The following KPNA3 variants were observed in gnomAD, a reference collection of about 807,000 sequenced individuals.
KPNA3 encodes importin subunit alpha-4.
A neutral mutation model predicts 73.8 loss-of-function variants in KPNA3; 13 were observed. The observed-to-expected ratio is 0.18, with a 90% CI of 0.11 to 0.28. The LOEUF (loss-of-function observed/expected upper bound fraction) is 0.28, where lower values mean the gene tolerates loss of function less well. Among genes scored for constraint, KPNA3 ranks in the 10% least tolerant of loss-of-function variants. The probability of loss-of-function intolerance (pLI) is 1.00; values close to 1 mark genes in which losing one functional copy is unlikely to be tolerated. For synonymous variants in KPNA3, 186 were observed against 206.9 expected, an observed-to-expected ratio of 0.90 and a Z score of 0.87; for missense variants, 360 against 618.1, an observed-to-expected ratio of 0.58 and a Z score of 4.43.
intron 2 of KPNA3, among the ~76,000 whole-genome samples, chr13:49,742,002 C>T (rs1339385176): frequency 1.3e-5 from 2 of 152,134 alleles, no homozygotes; most frequent in Admixed American, 1.3e-4. Flanking sequence ...CCTGTGTTTT[C>T]TTCCAGTAGT....
chr13:49,724,442 T>C (rs980326423), intron 7 of KPNA3, among the ~76,000 whole-genome samples: 1 of 152,098 alleles, frequency 6.6e-6, no homozygotes, highest in Non-Finnish European at 1.5e-5. Flanking sequence ...CAGCTGGGAC[T>C]ACAGGCGCCC....
chr13:49,771,361 G>A (rs553216857), intron 1 of KPNA3, among the ~76,000 whole-genome samples: 13 of 152,250 alleles, frequency 8.5e-5, no homozygotes, highest in Non-Finnish European at 1.3e-4. Flanking sequence ...TAAACTTTCA[G>A]TAAACAATGA....
chr13:49,768,830 G>A (rs1029727831), intron 1 of KPNA3, among the ~76,000 whole-genome samples: 23 of 152,172 alleles, frequency 1.5e-4, no homozygotes, highest in Middle Eastern at 3.4e-3. Flanking sequence ...TCTTATATGC[G>A]AATTTTTTTG....
intron 1 of KPNA3, among the ~76,000 whole-genome samples, chr13:49,783,853 CTTA>C (rs1165282868): frequency 6.6e-6 from 1 of 152,126 alleles, no homozygotes; most frequent in Non-Finnish European, 1.5e-5. Context: ...TACGATCATT[CTTA>C]TTATCATTAC....
chr13:49,705,435 T>C (rs1954199054), intron 15 of KPNA3, among the ~76,000 whole-genome samples, 186 bp downstream of exon 15: 2 of 151,762 alleles, frequency 1.3e-5, no homozygotes, highest in African/African-American at 4.8e-5. Context: ...TTTTGCAAAG[T>C]ATGGACTACT....
chr13:49,767,416 T>TAA (rs200281474), intron 1 of KPNA3, among the ~76,000 whole-genome samples: 29 of 96,126 alleles, frequency 3.0e-4, no homozygotes, highest in Non-Finnish European at 5.4e-4. Context: ...TCTGTCTCAA[T>TAA]AAAAAAAAAA....
At chr13:49,730,610 ATTTTATTTT>A (rs1303911890) in intron 6 of KPNA3, among the ~76,000 whole-genome samples, 4 of 144,082 alleles carry the variant, frequency 2.8e-5, no homozygotes, top group Non-Finnish European at 6.0e-5. Flanking sequence ...TTATTTATTT[ATTTTATTTT>A]ATTTTTATTA....
intron 10 of KPNA3, among the ~76,000 whole-genome samples, chr13:49,716,895 TTAAA>T (rs1410624886): frequency 6.6e-6 from 1 of 152,166 alleles, no homozygotes. Flanking sequence ...CATCAATCCC[TTAAA>T]TACTGACGAA....
intron 1 of KPNA3, among the ~76,000 whole-genome samples, chr13:49,775,162 C>CAAAAAAAA (rs60494803): frequency 1.8e-4 from 17 of 93,056 alleles, no homozygotes; most frequent in Middle Eastern, 6.5e-3. Context: ...GACTCTGTCT[C>CAAAAAAAA]AAAAAAAAAA....
At chr13:49,753,918 A>T (rs183920630) in intron 1 of KPNA3, among the ~76,000 whole-genome samples, 57 of 152,326 alleles carry the variant, frequency 3.7e-4, no homozygotes, top group African/African-American at 1.3e-3. Context: ...CACTGTTATA[A>T]GGGAAAAAAT....
At chr13:49,785,622 A>G (rs78489920) in intron 1 of KPNA3, among the ~76,000 whole-genome samples, 4,037 of 152,266 alleles carry the variant, frequency 0.027, 193 homozygotes, top group African/African-American at 0.092. Context: ...GTCTACAGAT[A>G]AAAGAATCGT....
At chr13:49,722,890 G>A (rs557257937) in intron 7 of KPNA3, among the ~76,000 whole-genome samples, 2 of 142,422 alleles carry the variant, frequency 1.4e-5, no homozygotes, top group African/African-American at 5.2e-5. Flanking sequence ...AAAATGTAAT[G>A]CTTTAGTCTA....
At chr13:49,738,266 T>C (rs952464514) in intron 2 of KPNA3, among the ~76,000 whole-genome samples, 2 of 152,234 alleles carry the variant, frequency 1.3e-5, no homozygotes, top group Non-Finnish European at 2.9e-5. Context: ...ACTATGGCTA[T>C]ATACTATAAG....
chr13:49,777,156 C>A (rs994238279), intron 1 of KPNA3, among the ~76,000 whole-genome samples: 9 of 152,236 alleles, frequency 5.9e-5, no homozygotes, highest in African/African-American at 2.2e-4. Flanking sequence ...CAGCTACCTT[C>A]CTCCATACTC....
chr13:49,720,973 C>T (rs991613466), intron 9 of KPNA3, among the ~76,000 whole-genome samples: 1 of 152,086 alleles, frequency 6.6e-6, no homozygotes, highest in Non-Finnish European at 1.5e-5. Context: ...AATCCCAGCA[C>T]TTTGGGATAC....
chr13:49,769,339 G>A (rs1194165954), intron 1 of KPNA3, among the ~76,000 whole-genome samples: 1 of 152,188 alleles, frequency 6.6e-6, no homozygotes, highest in African/African-American at 2.4e-5. Context: ...GATAAGTTCC[G>A]TGGTTTCTAG....
intron 14 of KPNA3, 139 bp downstream of exon 14, chr13:49,705,959 G>A: frequency 1.0e-6 from 1 of 991,124 alleles, no homozygotes; most frequent in Non-Finnish European, 1.5e-6. Flanking sequence ...GGGCAACATA[G>A]TGAGACTCCA....
chr13:49,715,928 A>C (rs79568146), intron 10 of KPNA3, among the ~76,000 whole-genome samples: 3,091 of 152,356 alleles, frequency 0.02, 43 homozygotes, highest in South Asian at 0.03. Context: ...CTGTGTCCAC[A>C]AAACAGAATC....
In KPNA3 at chr13:49,772,812, TAA is replaced by T; in HGVS notation, c.69+19624_69+19625del. Among the ~76,000 whole-genome samples, 3 of 152,100 alleles carry T rather than the reference TAA, an allele frequency of 2.0e-5. No individual in the cohort carries two copies. In the East Asian group the frequency reaches 5.8e-4, roughly 29 times the overall value. ...AAGCAAGACTCTGTCTCAAAATAAA[TAA>T]AGACAGTTAAATACACACTTATATG... is the stretch of plus-strand genomic sequence containing the variant. On this transcript the variant is annotated intron_variant, in intron 1 of 16. Coordinates refer to ENST00000261667, the MANE Select transcript of KPNA3 (RefSeq NM_002267.4).
Sources: gnomAD v4.1 joint callset for allele counts (sites outside exome capture counted in the v4.1 genomes callset) on GRCh38, gnomAD v4.1.1 for gene constraint, MANE v1.5 for transcripts, NCBI Gene and HGNC (gene_info 2026-07-23, HGNC 2026-07-21) for gene names.